LMNA: variants seen among roughly 807,000 people sequenced by gnomAD.
LMNA encodes lamin.
A neutral mutation model predicts 70.4 loss-of-function variants in LMNA; 20 were observed. The observed-to-expected ratio is 0.28, with a 90% CI of 0.20 to 0.41. The LOEUF (loss-of-function observed/expected upper bound fraction) is 0.41, where lower values mean the gene tolerates loss of function less well. Ranked by LOEUF, LMNA falls within the 10% of genes least tolerant of loss-of-function variation. The pLI, the probability that LMNA is intolerant of heterozygous loss-of-function variation, is 1.00. For synonymous variants in LMNA, 339 were observed against 372.8 expected, an observed-to-expected ratio of 0.91 and a Z score of 1.04; for missense variants, 652 against 917.2, an observed-to-expected ratio of 0.71 and a Z score of 3.73.
In LMNA at chr1:156,134,654, T is replaced by C. The variant is rs201035411; in HGVS notation, c.639+126T>C. ...GTCCCTTGCCCTAGTGGACAGGGAG[T>C]TGGGGGTGGCCAGCACTCAGCTCCC... On this transcript the variant is annotated intron_variant, in intron 3 of 11. Coordinates refer to ENST00000368300, the MANE Select transcript of LMNA (RefSeq NM_170707.4). The surrounding 1 kb of genome is among the most constrained non-coding windows in gnomAD (Gnocchi z 5.3). The C allele has an allele frequency of 4.0e-5, 62 of 1,539,344 alleles. No individual in the cohort carries two copies. The East Asian group carries it at 1.4e-3, about 34-fold the overall frequency.
intron 3 of LMNA, among the ~76,000 whole-genome samples, chr1:156,108,976 A>G (rs1649443520): frequency 6.6e-6 from 1 of 152,192 alleles, no homozygotes; most frequent in Non-Finnish European, 1.5e-5. Context: ...TTCTCTGACA[A>G]CAGAGAATTA....
Position 156,136,273 on chromosome 1 carries a change from C to A in LMNA, c.1217C>A (p.Ser406Ter). ...AGCCGTGGCCGTGCTTCCTCTCACT[C>A]ATCCCAGACACAGGGTGGGGGCAGC... ...QRSRGRASSH[S>*]SQTQGGGSVT... is the part of the protein sequence containing the mutation. Residue 406 changes from serine to a stop codon, truncating the protein, a stop_gained, in exon 7 of 12, where the codon TCA becomes TAA. Transcript: ENST00000368300. LOFTEE classifies it high-confidence loss of function. This position sits in a 1 kb window ranked among gnomAD's most constrained non-coding sequence, Gnocchi z 6.1. 6.2e-7 allele frequency: 1 copy of A among 1,612,082 alleles called. No individual in the cohort carries two copies.
intron 3 of LMNA, chr1:156,106,645 GCCTCTGTCCCCACCCCCCC>G: frequency 2.1e-5 from 1 of 48,674 alleles, no homozygotes; most frequent in African/African-American, 8.8e-5. Flanking sequence ...ACCCCCCCAC[GCCTCTGTCCCCACCCCCCC>G]ACCGCCCCCG....
chr1:156,134,641 A>G lies in LMNA; in HGVS notation c.639+113A>G. On this transcript the variant is annotated intron_variant, in intron 3 of 11. Coordinates refer to ENST00000368300, the MANE Select transcript of LMNA (RefSeq NM_170707.4). This position sits in a 1 kb window ranked among gnomAD's most constrained non-coding sequence, Gnocchi z 5.3. ...CTCGCCTTCCTGAGTCCCTTGCCCT[A>G]GTGGACAGGGAGTTGGGGGTGGCCA... The G allele has an allele frequency of 6.5e-7, 1 of 1,543,214 alleles. No individual in the cohort carries two copies. Among genetic ancestry groups the G allele is most frequent in the Non-Finnish European group, 8.9e-7 (1 of 1,120,024 alleles).
chr1:156,119,809 G>A (rs1488273781), intron 1 of LMNA, among the ~76,000 whole-genome samples: 1 of 152,078 alleles, frequency 6.6e-6, no homozygotes, highest in East Asian at 1.9e-4. Context: ...AAAGGGAGGA[G>A]TGGTGGTCTG....
Position 156,135,765 on chromosome 1 carries a change from C to G in LMNA, c.937-136C>G. 5.5e-6 allele frequency: 4 copies of G among 732,240 alleles called. No individual in the cohort carries two copies. Among genetic ancestry groups the G allele is most frequent in the South Asian group, 4.8e-5 (3 of 62,604 alleles). The allele number at this position is 732,240 out of a possible 1,614,324, so 45.4% of individuals were successfully genotyped here. On this transcript the variant is annotated intron_variant, in intron 5 of 11. Transcript: ENST00000368300. This position sits in a 1 kb window ranked among gnomAD's most constrained non-coding sequence, Gnocchi z 4.8. ...GAGCTTGTGATGTTCAGAGCTGGCT[C>G]TGATGAGGGCTCTGGGGAAGCTCTG...
chr1:156,124,489 A>T (rs921525969), intron 1 of LMNA, among the ~76,000 whole-genome samples: 2 of 152,170 alleles, frequency 1.3e-5, no homozygotes, highest in African/African-American at 2.4e-5. Flanking sequence ...GGGTTTCACC[A>T]TGCTGGCCAG....
chr1:156,136,672 G>A lies in LMNA; in HGVS notation c.1380+236G>A, dbSNP rs889119342. ...TCAGTTTCCTCATCTGTAAAATGGG[G>A]ATGAATACTGATCCCTAAGTCTTTG... is the stretch of plus-strand genomic sequence containing the variant. On this transcript the variant is annotated intron_variant, in intron 7 of 11. Transcript: ENST00000368300. The surrounding 1 kb of genome is among the most constrained non-coding windows in gnomAD (Gnocchi z 6.1). 7.5e-6 allele frequency: 5 copies of A among 666,146 alleles called. No individual in the cohort carries two copies. Among genetic ancestry groups the A allele is most frequent in the African/African-American group, 3.6e-5 (2 of 56,094 alleles). The allele number at this position is 666,146 out of a possible 1,614,324, so 41.3% of individuals were successfully genotyped here.
intron 2 of LMNA, among the ~76,000 whole-genome samples, chr1:156,087,404 G>A (rs1413773795): frequency 1.3e-5 from 2 of 151,584 alleles, no homozygotes; most frequent in Admixed American, 1.3e-4. Context: ...CACCACGCCC[G>A]GCTAATTTTT....
At position 156,136,744 on chromosome 1, in the gene LMNA, C is replaced by T. The variant is rs566098985; in HGVS notation, c.1381-177C>T. ...TAAGGTATCCGTGTGCCTGGTGCTG[C>T]GTATGTGTCCACAGATCATGGCTAT... On this transcript the variant is annotated intron_variant, in intron 7 of 11. Coordinates refer to ENST00000368300, the MANE Select transcript of LMNA (RefSeq NM_170707.4). This position sits in a 1 kb window ranked among gnomAD's most constrained non-coding sequence, Gnocchi z 6.1. 56 of 704,912 alleles carry T rather than the reference C, an allele frequency of 7.9e-5. 1 individual carries two copies. Among genetic ancestry groups the T allele is most frequent in the East Asian group, 7.5e-4 (28 of 37,168 alleles). 43.7% of individuals were successfully genotyped at this position (704,912 alleles called of 1,614,324 possible). A position where few individuals can be genotyped will look rare whatever the true frequency, so the allele number is the denominator to read the frequency against.
intron 3 of LMNA, among the ~76,000 whole-genome samples, chr1:156,107,969 G>A (rs1369989337): frequency 6.6e-6 from 1 of 152,004 alleles, no homozygotes; most frequent in Non-Finnish European, 1.5e-5. Context: ...GTTTTACCAT[G>A]TTGGCCAGGC....
In LMNA at chr1:156,139,621, G is replaced by A; in HGVS notation, c.*515G>A. 4.2e-6 allele frequency: 6 copies of A among 1,434,670 alleles called. No individual in the cohort carries two copies. Among genetic ancestry groups the A allele is most frequent in the Non-Finnish European group, 5.5e-6 (6 of 1,100,640 alleles). The allele number at this position is 1,434,670 out of a possible 1,614,324, so 88.9% of individuals were successfully genotyped here. ...AGAGAGAGAGGACAGCTTGAGCCGG[G>A]CCCCTGGGCTTGGCCTGCTGTGATT... On this transcript the variant is annotated 3_prime_UTR_variant, in exon 12 of 12. Transcript: ENST00000368300.
intron 2 of LMNA, among the ~76,000 whole-genome samples, chr1:156,084,481 C>G (rs1648409437): frequency 5.3e-5 from 8 of 152,100 alleles, no homozygotes; most frequent in Admixed American, 3.9e-4. Context: ...ATAAGATCAA[C>G]AGTAAACCTT....
At chr1:156,105,478 C>G in intron 3 of LMNA, among the ~76,000 whole-genome samples, 1 of 150,738 alleles carries the variant, frequency 6.6e-6, no homozygotes, top group African/African-American at 2.5e-5. Context: ...CAGGAAATCT[C>G]CTGCAGATTC....
intron 1 of LMNA, among the ~76,000 whole-genome samples, chr1:156,118,096 T>C (rs532718601): frequency 6.6e-6 from 1 of 151,826 alleles, no homozygotes; most frequent in South Asian, 2.1e-4. Flanking sequence ...AGCACTGGGA[T>C]TACAGGCATA....
At chr1:156,129,951 GA>G in intron 1 of LMNA, 1 of 734,804 alleles carries the variant, frequency 1.4e-6, no homozygotes, top group Non-Finnish European at 2.5e-6. Context: ...AGGCAGGAGG[GA>G]GGGAGGCAGG....
intron 2 of LMNA, among the ~76,000 whole-genome samples, chr1:156,084,074 A>G (rs1312156143): frequency 6.6e-6 from 1 of 152,152 alleles, no homozygotes; most frequent in Non-Finnish European, 1.5e-5. Flanking sequence ...AAAGAGTTTT[A>G]TAATAGTGGG....
chr1:156,130,851 A>C, intron 2 of LMNA, 78 bp downstream of exon 2: 2 of 1,395,346 alleles, frequency 1.4e-6, no homozygotes, highest in Non-Finnish European at 2.0e-6. Flanking sequence ...GCCCTCCCCC[A>C]TGTGGTGCCT....
At chr1:156,112,711 C>T (rs1649585829), upstream of LMNA, among the ~76,000 whole-genome samples, 1 of 152,184 alleles carries the variant, frequency 6.6e-6, no homozygotes, top group Admixed American at 6.5e-5. Context: ...CAGGCACCCT[C>T]ACTGAGATGA....
Sources: allele counts gnomAD v4.1 joint callset (sites outside exome capture counted in the v4.1 genomes callset), GRCh38; gene constraint gnomAD v4.1.1; non-coding constraint Gnocchi (gnomAD v3.1); transcripts MANE v1.5; gene names NCBI Gene and HGNC (gene_info 2026-07-23, HGNC 2026-07-21).